Variants in ALDH9A1 observed in about 807,000 individuals in gnomAD.
ALDH9A1 encodes aldehyde dehydrogenase 9 family member A1.
A neutral mutation model predicts 56.6 loss-of-function variants in ALDH9A1; 42 were observed. The observed-to-expected ratio is 0.74, with a 90% CI of 0.58 to 0.96. The LOEUF (loss-of-function observed/expected upper bound fraction) is 0.96. Ranked by LOEUF, ALDH9A1 falls within the 40% of genes least tolerant of loss-of-function variation. ALDH9A1 has a pLI of 0.00. For synonymous variants in ALDH9A1, 242 were observed against 236.0 expected, an observed-to-expected ratio of 1.03 and a Z score of -0.23; for missense variants, 661 against 651.5, an observed-to-expected ratio of 1.01 and a Z score of -0.16.
At position 165,667,309 on chromosome 1, in the gene ALDH9A1, C is replaced by CTGGTATG; in HGVS notation, c.1348_1349insCATACCA (p.Arg450ThrfsTer10). The stretch of plus-strand genomic sequence containing the variant: ...GCTCTCAGTGTCCCACTCCACATAC[C>CTGGTATG]TGGTAAAGACGCCAGCTGCTAGTCC... On this transcript the variant is annotated frameshift_variant and splice_region_variant, in exon 9 of 11. Transcript: ENST00000354775. LOFTEE classifies it high-confidence loss of function. The CTGGTATG allele has an allele frequency of 6.2e-7, 1 of 1,614,056 alleles. No homozygotes were observed. The highest frequency in any genetic ancestry group is 8.5e-7 in the Non-Finnish European group (1 of 1,179,964).
chr1:165,678,031 T>C (rs898263383), intron 6 of ALDH9A1, among the ~76,000 whole-genome samples: 1 of 151,456 alleles, frequency 6.6e-6, no homozygotes, highest in Non-Finnish European at 1.5e-5. Flanking sequence ...TGAGACTCCG[T>C]CTCAATAAAA....
chr1:165,682,044 G>A (rs186861278), intron 4 of ALDH9A1, 63 bp downstream of exon 4: 43 of 1,585,514 alleles, frequency 2.7e-5, no homozygotes, highest in Non-Finnish European at 3.4e-5. Flanking sequence ...GGTAGAGAAT[G>A]GGGAGAGAAC....
rs548671199 is a variant in ALDH9A1 at position 165,669,165 on chromosome 1, T to C, written c.1119+97A>G. 1.1e-5 allele frequency: 15 copies of C among 1,367,238 alleles called. No individual in the cohort carries two copies. In the African/African-American group the frequency reaches 1.6e-4, roughly 15 times the overall value. The allele number at this position is 1,367,238 out of a possible 1,614,324, so 84.7% of individuals were successfully genotyped here. On this transcript the variant is annotated intron_variant, in intron 7 of 10. Coordinates refer to ENST00000354775, the MANE Select transcript of ALDH9A1 (RefSeq NM_000696.4). ...GGGATGCTAATAGTCCAATGAATAA[T>C]AGTCATACGAATATTAACATGAAAA...
At chr1:165,676,597 C>A in intron 6 of ALDH9A1, 2 of 300,476 alleles carry the variant, frequency 6.7e-6, no homozygotes, top group South Asian at 3.7e-5. Flanking sequence ...ACATTAAGCG[C>A]TCTAAGACCC....
At chr1:165,687,323 A>T (rs1438633549) in intron 2 of ALDH9A1, among the ~76,000 whole-genome samples, 1 of 152,000 alleles carries the variant, frequency 6.6e-6, no homozygotes, top group Non-Finnish European at 1.5e-5. Context: ...AATCATGGCC[A>T]AATTTTTTTT....
intron 2 of ALDH9A1, among the ~76,000 whole-genome samples, chr1:165,686,433 C>T (rs1239546115): frequency 6.6e-6 from 1 of 151,748 alleles, no homozygotes; most frequent in Admixed American, 6.6e-5. Context: ...CCCCAGAAAT[C>T]TGCAGATTCC....
intron 7 of ALDH9A1, 88 bp downstream of exon 7, chr1:165,669,174 G>T: frequency 1.4e-6 from 2 of 1,395,954 alleles, no homozygotes; most frequent in South Asian, 2.8e-5. Flanking sequence ...ATAGTCATAC[G>T]AATATTAACA....
At position 165,679,498 on chromosome 1, in the gene ALDH9A1, C is replaced by CA; in HGVS notation, c.873dup (p.Asp292Ter). On this transcript the variant is annotated frameshift_variant, in exon 6 of 11. Transcript: ENST00000354775. LOFTEE classifies it high-confidence loss of function. ...GCCCCCTTTACAGCATTGTTCATAT[C>CA]ACAGTCTGAGAAGATGATGAGTGGA... The CA allele has an allele frequency of 6.2e-7, 1 of 1,614,164 alleles. No individual in the cohort carries two copies. The highest frequency in any genetic ancestry group is 8.5e-7 in the Non-Finnish European group (1 of 1,180,032).
intron 6 of ALDH9A1, among the ~76,000 whole-genome samples, chr1:165,673,861 G>A (rs368501108): frequency 6.6e-6 from 1 of 152,080 alleles, no homozygotes; most frequent in African/African-American, 2.4e-5. Context: ...TCTTAAGTAG[G>A]GGCTGGGTAA....
At chr1:165,689,757 A>G (rs12036561) in intron 2 of ALDH9A1, among the ~76,000 whole-genome samples, 55,411 of 151,612 alleles carry the variant, frequency 0.37, 10,298 homozygotes, top group East Asian at 0.59. Flanking sequence ...AACATGGGGA[A>G]ACTCTGTCTC....
chr1:165,684,039 G>A (rs1468277371), intron 2 of ALDH9A1, among the ~76,000 whole-genome samples: 1 of 152,198 alleles, frequency 6.6e-6, no homozygotes, highest in African/African-American at 2.4e-5. Context: ...AAGCAAAATG[G>A]AGTGCAACAG....
chr1:165,698,147 C>T (rs1650154616), intron 1 of ALDH9A1: 2 of 1,212,336 alleles, frequency 1.6e-6, no homozygotes, highest in Non-Finnish European at 2.1e-6. Context: ...AAACAACTCA[C>T]GATCCTACCA....
At chr1:165,670,303 C>CG (rs1255219143) in intron 6 of ALDH9A1, among the ~76,000 whole-genome samples, 3 of 152,004 alleles carry the variant, frequency 2.0e-5, no homozygotes, top group African/African-American at 7.2e-5. Flanking sequence ...TGTGGTGACA[C>CG]GCACCTGTAG....
chr1:165,672,046 C>T (rs1236315673), intron 6 of ALDH9A1, among the ~76,000 whole-genome samples: 2 of 152,192 alleles, frequency 1.3e-5, no homozygotes, highest in African/African-American at 2.4e-5. Flanking sequence ...TTGTAGGGCA[C>T]AGTACAGTGG....
chr1:165,685,915 T>C (rs1048664243), intron 2 of ALDH9A1, among the ~76,000 whole-genome samples: 1 of 152,168 alleles, frequency 6.6e-6, no homozygotes, highest in African/African-American at 2.4e-5. Context: ...TTAAGTAACA[T>C]TCTCCCTCCC....
At position 165,662,828 on chromosome 1, in the gene ALDH9A1, T is replaced by C. The variant is rs1211021652; in HGVS notation, c.*222A>G. 5.6e-6 allele frequency: 3 copies of C among 531,248 alleles called. No individual in the cohort carries two copies. Among genetic ancestry groups the C allele is most frequent in the Non-Finnish European group, 1.0e-5 (3 of 295,922 alleles). 32.9% of individuals were successfully genotyped at this position (531,248 alleles called of 1,614,324 possible). On this transcript the variant is annotated 3_prime_UTR_variant, in exon 11 of 11. Transcript: ENST00000354775. ...TAAAAGATTTCACAAAAATACGCTT[T>C]GAGGAGAATCACAGCTTTCTTGATT... is the stretch of plus-strand genomic sequence containing the variant.
At chr1:165,666,011 C>T (rs1260274752) in intron 9 of ALDH9A1, among the ~76,000 whole-genome samples, 2 of 152,088 alleles carry the variant, frequency 1.3e-5, no homozygotes, top group Non-Finnish European at 1.5e-5. Flanking sequence ...ACCCAAATGC[C>T]TGTAACAGAT....
chr1:165,670,124 A>G (rs1649129746), intron 6 of ALDH9A1, among the ~76,000 whole-genome samples: 1 of 152,220 alleles, frequency 6.6e-6, no homozygotes, highest in South Asian at 2.1e-4. Context: ...CTCCAAATGT[A>G]TCAGGAATCA....
chr1:165,680,452 C>G (rs1366862825), intron 5 of ALDH9A1, 35 bp downstream of exon 5: 1 of 1,603,720 alleles, frequency 6.2e-7, no homozygotes, highest in Admixed American at 1.7e-5. Context: ...CATCCAAATG[C>G]CATGTGTGTT....
Sources: gnomAD v4.1 joint callset for allele counts (sites outside exome capture counted in the v4.1 genomes callset) on GRCh38, gnomAD v4.1.1 for gene constraint, MANE v1.5 for transcripts, NCBI Gene and HGNC (gene_info 2026-07-23, HGNC 2026-07-21) for gene names.